Variants in INTU observed in about 807,000 individuals in gnomAD.
INTU encodes inturned planar cell polarity protein, also known as protein inturned.
INTU carries 68 observed loss-of-function variants against 100.5 expected under a neutral mutation model. The observed-to-expected ratio is 0.68, with a 90% CI of 0.56 to 0.83. The LOEUF (loss-of-function observed/expected upper bound fraction) is 0.83, where lower values mean the gene tolerates loss of function less well. Among genes scored for constraint, INTU ranks in the 40% least tolerant of loss-of-function variants. INTU has a pLI of 0.00. For synonymous variants in INTU, 357 were observed against 395.7 expected (o/e 0.90, Z 1.16); for missense variants, 1,071 against 1,114.7 (o/e 0.96, Z 0.56).
chr4:127,696,920 ACTGAAACATT>A (rs1204525987), intron 8 of INTU, among the ~76,000 whole-genome samples: 1 of 152,150 alleles, frequency 6.6e-6, no homozygotes, highest in Non-Finnish European at 1.5e-5. Context: ...TTCACTTTAT[ACTGAAACATT>A]CTGAGACATG....
chr4:127,633,142 C>A lies in INTU; in HGVS notation c.108C>A (p.Ser36Arg). ...ACTATGATTTTGAAGATCGGGTCAG[C>A]GACTCGGGTTCATATTCCTCAGCGA... ...DEDYDFEDRV[S>R]DSGSYSSASS... The change falls in exon 1 of 16, where the codon AGC becomes AGA. Residue 36 changes from serine (S) to arginine (R), a missense_variant. By Grantham distance (110) the Ser-to-Arg change is moderately radical. Coordinates refer to ENST00000335251, the MANE Select transcript of INTU (RefSeq NM_015693.4). The A allele has an allele frequency of 6.2e-7, 1 of 1,613,882 alleles. No homozygotes were observed. Among genetic ancestry groups the A allele is most frequent in the East Asian group, 2.2e-5 (1 of 44,874 alleles).
chr4:127,654,739 C>G (rs1483222685), intron 2 of INTU, among the ~76,000 whole-genome samples: 1 of 146,856 alleles, frequency 6.8e-6, no homozygotes, highest in East Asian at 2.0e-4. Context: ...TTGTGGCCTT[C>G]TCTGTATTTC....
intron 11 of INTU, among the ~76,000 whole-genome samples, chr4:127,706,133 A>C (rs1262737991): frequency 6.6e-6 from 1 of 151,968 alleles, no homozygotes; most frequent in Non-Finnish European, 1.5e-5. Flanking sequence ...TTGTTTTGGG[A>C]GATAGAGGGA....
intron 3 of INTU, among the ~76,000 whole-genome samples, chr4:127,657,207 A>G (rs1018400974): frequency 6.6e-6 from 1 of 152,078 alleles, no homozygotes; most frequent in Admixed American, 6.5e-5. Context: ...TTGGCTACTT[A>G]AGGAATTATT....
rs1421066405 is a variant in INTU, at chr4:127,670,268, A to G, written c.1091+1114A>G. On this transcript the variant is annotated intron_variant, in intron 5 of 15. Transcript: ENST00000335251. Reference sequence around the variant, plus strand: ...ATTTCAACAGCCTCCGTAATACTGAAAAAATATCAAGTTGGATTTTCTAGG... The same window carrying G: ...ATTTCAACAGCCTCCGTAATACTGAGAAAATATCAAGTTGGATTTTCTAGG... 2.6e-5 allele frequency among the ~76,000 whole-genome samples: 4 copies of G among 151,916 alleles called. No homozygotes were observed. In the East Asian group the frequency reaches 7.7e-4, roughly 29 times the overall value.
In INTU at chr4:127,643,817, A is replaced by C; in HGVS notation, c.443A>C (p.Gln148Pro). ...PVSILKHQSN[Q>P]KTGVIVQQRY... ...TCCATTCTAAAGCATCAGTCCAATC[A>C]GAAGACAGGAGTCATTGTCCAACAG... Residue 148 changes from glutamine to proline, a missense_variant, in exon 2 of 16, where the codon CAG (glutamine) becomes CCG (proline). Transcript: ENST00000335251. 6.2e-7 allele frequency: 1 copy of C among 1,614,122 alleles called. No individual in the cohort carries two copies. The highest frequency in any genetic ancestry group is 8.5e-7 in the Non-Finnish European group (1 of 1,180,020).
chr4:127,639,280 C>G (rs1222749076), intron 1 of INTU, among the ~76,000 whole-genome samples: 1 of 152,074 alleles, frequency 6.6e-6, no homozygotes, highest in Non-Finnish European at 1.5e-5. Flanking sequence ...TCCTGTTTTT[C>G]ATTACCTTGA....
At chr4:127,679,932 A>T (rs924994342) in intron 6 of INTU, among the ~76,000 whole-genome samples, 1 of 152,226 alleles carries the variant, frequency 6.6e-6, no homozygotes, top group African/African-American at 2.4e-5. Flanking sequence ...ATCACCACCG[A>T]TCCCACAGAA....
At chr4:127,637,148 T>C (rs1206420082) in intron 1 of INTU, among the ~76,000 whole-genome samples, 1 of 152,206 alleles carries the variant, frequency 6.6e-6, no homozygotes, top group Non-Finnish European at 1.5e-5. Context: ...ACTGCCTTAC[T>C]TAAAAGGTTG....
rs116029283 is a variant in INTU at position 127,711,431 on chromosome 4, A to G, written c.2559+329A>G. ...ATTACTTGAGTAATAATATCTACCA[A>G]TTGGTTCCTAAAATAACTCTGATAA... On this transcript the variant is annotated intron_variant, in intron 14 of 15. Transcript: ENST00000335251. 5.3e-3 allele frequency among the ~76,000 whole-genome samples: 814 copies of G among 152,274 alleles called. 6 individuals are homozygous for G. The highest frequency in any genetic ancestry group is 0.02 in the Middle Eastern group (6 of 294).
intron 3 of INTU, among the ~76,000 whole-genome samples, chr4:127,657,160 TTTG>T (rs1728269172): frequency 6.6e-6 from 1 of 152,178 alleles, no homozygotes; most frequent in African/African-American, 2.4e-5. Context: ...CTTGATTTTT[TTTG>T]TTATTTAATT....
Position 127,643,823 on chromosome 4 carries a change from C to G in INTU, c.449C>G (p.Thr150Arg), listed in dbSNP as rs147508682. The G allele has an allele frequency of 6.2e-7, 1 of 1,613,952 alleles. No homozygotes were observed. The highest frequency in any genetic ancestry group is 1.3e-5 in the African/African-American group (1 of 75,006). ...CTAAAGCATCAGTCCAATCAGAAGACAGGAGTCATTGTCCAACAGCGATAC... is the reference window on the plus strand; with the variant it reads ...CTAAAGCATCAGTCCAATCAGAAGAGAGGAGTCATTGTCCAACAGCGATAC... ...SILKHQSNQK[T>R]GVIVQQRYKD... is the part of the protein sequence containing the mutation. The change falls in exon 2 of 16, where the codon ACA becomes AGA. Residue 150 changes from threonine to arginine, a missense_variant. Physicochemically the swap from Thr to Arg is moderately conservative, Grantham distance 71. Coordinates refer to ENST00000335251, the MANE Select transcript of INTU (RefSeq NM_015693.4).
chr4:127,696,528 C>T (rs945851484), intron 8 of INTU, among the ~76,000 whole-genome samples: 4 of 151,614 alleles, frequency 2.6e-5, no homozygotes, highest in African/African-American at 7.3e-5. Context: ...ACTAATGCCC[C>T]CCCCCTTTCA....
At chr4:127,688,262 A>G (rs1729924267) in intron 8 of INTU, among the ~76,000 whole-genome samples, 2 of 152,188 alleles carry the variant, frequency 1.3e-5, no homozygotes, top group South Asian at 2.1e-4. Context: ...GTTAAAATAC[A>G]AAGTCCACTA....
At position 127,651,139 on chromosome 4, in the gene INTU, T is replaced by C. The variant is rs566187313; in HGVS notation, c.683-5497T>C. ...ATTAGCCCTTTGTCAGATGAGTAGGTTGCAAAAATTTTCTCCCATTTTGTA... is the reference window on the plus strand; with the variant it reads ...ATTAGCCCTTTGTCAGATGAGTAGGCTGCAAAAATTTTCTCCCATTTTGTA... On this transcript the variant is annotated intron_variant, in intron 2 of 15. Coordinates refer to ENST00000335251, the MANE Select transcript of INTU (RefSeq NM_015693.4). Among the ~76,000 whole-genome samples the C allele has an allele frequency of 2.0e-5, 3 of 152,042 alleles. No individual in the cohort carries two copies. In the East Asian group the frequency reaches 5.8e-4, roughly 29 times the overall value.
chr4:127,692,210 C>T (rs937080561), intron 8 of INTU, among the ~76,000 whole-genome samples: 3 of 151,806 alleles, frequency 2.0e-5, no homozygotes, highest in African/African-American at 7.3e-5. Context: ...TTTACATTCC[C>T]ACCAACAGTA....
At chr4:127,654,121 C>CAA in intron 2 of INTU, among the ~76,000 whole-genome samples, 1 of 150,842 alleles carries the variant, frequency 6.6e-6, no homozygotes, top group Non-Finnish European at 1.5e-5. Flanking sequence ...TGTGTCTCTG[C>CAA]ACGTGAGATG....
chr4:127,699,628 T>C lies in INTU; in HGVS notation c.1450-382T>C, dbSNP rs1349900018. ...TACTTTAAGACTGATTTTCATTTTC[T>C]TCTATGAAATCAAAAGGGTTAAATT... On this transcript the variant is annotated intron_variant, in intron 8 of 15. Coordinates refer to ENST00000335251, the MANE Select transcript of INTU (RefSeq NM_015693.4). Among the ~76,000 whole-genome samples, 5 of 152,244 alleles carry C rather than the reference T, an allele frequency of 3.3e-5. No individual in the cohort carries two copies. The East Asian group carries it at 5.8e-4, about 18-fold the overall frequency.
At chr4:127,688,269 AC>A (rs762913462) in intron 8 of INTU, among the ~76,000 whole-genome samples, 1 of 152,126 alleles carries the variant, frequency 6.6e-6, no homozygotes, top group Non-Finnish European at 1.5e-5. Flanking sequence ...TACAAAGTCC[AC>A]TAGTCTACCA....
Sources: allele counts gnomAD v4.1 joint callset (sites outside exome capture counted in the v4.1 genomes callset), GRCh38; gene constraint gnomAD v4.1.1; transcripts MANE v1.5; gene names NCBI Gene and HGNC (gene_info 2026-07-23, HGNC 2026-07-21).